Variants in NLRC5 observed in about 807,000 individuals in gnomAD.
The protein encoded by NLRC5 is NLR family CARD domain containing 5.
In NLRC5, 114 loss-of-function variants were observed where a neutral mutation model predicts 206.9. That is an observed-to-expected ratio of 0.55 (90% CI 0.47 to 0.64). The LOEUF (loss-of-function observed/expected upper bound fraction) is 0.64, where lower values mean the gene tolerates loss of function less well. Among genes scored for constraint, NLRC5 ranks in the 30% least tolerant of loss-of-function variants. The pLI, the probability that NLRC5 is intolerant of heterozygous loss-of-function variation, is 0.00. For synonymous variants in NLRC5, 952 were observed against 962.8 expected, an observed-to-expected ratio of 0.99 and a Z score of 0.21; for missense variants, 2,008 against 2,305.5, an observed-to-expected ratio of 0.87 and a Z score of 2.64.
chr16:57,004,853 G>C (rs2058719786), intron 1 of NLRC5, among the ~76,000 whole-genome samples: 1 of 152,114 alleles, frequency 6.6e-6, no homozygotes, highest in Non-Finnish European at 1.5e-5. Flanking sequence ...CTGAAACCAG[G>C]GTGGGGTAAA....
chr16:56,998,591 G>T (rs777032510), intron 1 of NLRC5, among the ~76,000 whole-genome samples: 2 of 152,306 alleles, frequency 1.3e-5, no homozygotes, highest in East Asian at 1.9e-4. Context: ...TGGTGGAAAG[G>T]TCAGTCCCAA....
intron 23 of NLRC5, among the ~76,000 whole-genome samples, chr16:57,050,710 A>T (rs1166109696): frequency 6.6e-6 from 1 of 152,174 alleles, no homozygotes; most frequent in African/African-American, 2.4e-5. Context: ...CTGACGAATT[A>T]TCTGAACAAT....
chr16:57,013,350 T>G, intron 1 of NLRC5: 1 of 638,258 alleles, frequency 1.6e-6, no homozygotes, highest in Admixed American at 2.5e-5. Context: ...TTTAAAATAC[T>G]TCCTTCAAAG....
chr16:57,071,491 G>A (rs1199196888), intron 38 of NLRC5, among the ~76,000 whole-genome samples: 9 of 144,676 alleles, frequency 6.2e-5, no homozygotes, highest in South Asian at 2.3e-4. Context: ...GTGAGTGAGC[G>A]ATGATGGTGG....
At chr16:57,080,289 C>G (rs1283454222) in intron 46 of NLRC5, among the ~76,000 whole-genome samples, 1 of 152,146 alleles carries the variant, frequency 6.6e-6, no homozygotes, top group Non-Finnish European at 1.5e-5. Flanking sequence ...GGTAATTCAT[C>G]TTTAACACCT....
Position 57,051,525 on chromosome 16 carries a change from C to T in NLRC5, c.3423-13C>T, listed in dbSNP as rs2064902487. 1 of 1,610,056 alleles carries T rather than the reference C, an allele frequency of 6.2e-7. No homozygotes were observed. On this transcript the variant is annotated splice_polypyrimidine_tract_variant and intron_variant, in intron 23 of 48. Coordinates refer to ENST00000688547, the MANE Select transcript of NLRC5 (RefSeq NM_001384950.1). ...AGGTTTCCCCCACCTCATCCACCTG[C>T]TTTGTTTCACAGATTGTCCTGTGAG...
intron 23 of NLRC5, among the ~76,000 whole-genome samples, chr16:57,050,856 CTTTTT>C (rs1199454196): frequency 6.6e-6 from 1 of 152,002 alleles, no homozygotes; most frequent in Non-Finnish European, 1.5e-5. Context: ...GTTTTCTTTT[CTTTTT>C]TATTTTTTTG....
chr16:57,079,525 C>T, intron 45 of NLRC5, 21 bp from the exon 46 acceptor site: 1 of 1,607,930 alleles, frequency 6.2e-7, no homozygotes. Context: ...CATCCCATCC[C>T]ATGCCCTTCT....
chr16:57,014,411 T>C (rs1411286256), intron 1 of NLRC5, among the ~76,000 whole-genome samples: 3 of 152,258 alleles, frequency 2.0e-5, no homozygotes, highest in African/African-American at 7.2e-5. Flanking sequence ...TTTTTTGCTA[T>C]TGTCTGATCC....
intron 1 of NLRC5, chr16:57,013,618 C>T (rs937810609): frequency 7.6e-6 from 8 of 1,056,290 alleles, no homozygotes; most frequent in African/African-American, 1.6e-5. Context: ...AGGTCATTAA[C>T]TGGGCCATTG....
intron 10 of NLRC5, 28 bp from the exon 11 acceptor site, chr16:57,031,376 T>C (rs763607793): frequency 6.2e-7 from 1 of 1,611,810 alleles, no homozygotes; most frequent in Non-Finnish European, 8.5e-7. Flanking sequence ...AGTCTCTGGG[T>C]TTCATGGCTT....
intron 1 of NLRC5, among the ~76,000 whole-genome samples, chr16:57,003,020 G>A (rs183312482): frequency 1.3e-5 from 2 of 151,756 alleles, no homozygotes; most frequent in East Asian, 2.0e-4. Flanking sequence ...AGTGTATGAG[G>A]TCTCCCTTTT....
In NLRC5 at chr16:57,058,857, G is replaced by A. The variant is rs149786218; in HGVS notation, c.3831-115G>A. ...TGTCCATCTGGAGAATAGATGCTTA[G>A]ACATGGAGGCTTCTCTTCTTGGAAA... is the stretch of plus-strand genomic sequence containing the variant. On this transcript the variant is annotated intron_variant, in intron 28 of 48. Coordinates refer to ENST00000688547, the MANE Select transcript of NLRC5 (RefSeq NM_001384950.1). 1,006 of 876,388 alleles carry A rather than the reference G, an allele frequency of 1.1e-3. 1 individual carries two copies. Among genetic ancestry groups the A allele is most frequent in the Admixed American group, 2.5e-3 (144 of 56,744 alleles). 54.3% of individuals were successfully genotyped at this position (876,388 alleles called of 1,614,324 possible).
intron 6 of NLRC5, 73 bp from the exon 7 acceptor site, chr16:57,027,999 C>T: frequency 1.0e-6 from 1 of 999,392 alleles, no homozygotes; most frequent in East Asian, 2.4e-5. Context: ...CCCCATCTCT[C>T]TGAGGGGATG....
In NLRC5 at chr16:57,036,701, C is replaced by CG. The variant is rs755586143; in HGVS notation, c.2712-491dup. On this transcript the variant is annotated intron_variant, in intron 14 of 48. Transcript: ENST00000688547. ...GGGGGTCTTAGGATCAAGTGTGGGT[C>CG]GGGTTTGGGGAGTGTTGAGATTGGG... Among the ~76,000 whole-genome samples the CG allele has an allele frequency of 3.9e-4, 58 of 150,526 alleles. 1 individual carries two copies. Among genetic ancestry groups the CG allele is most frequent in the Non-Finnish European group, 6.5e-4 (44 of 67,578 alleles).
intron 15 of NLRC5, 35 bp downstream of exon 15, chr16:57,037,319 C>T (rs371542391): frequency 1.1e-5 from 18 of 1,574,698 alleles, no homozygotes; most frequent in Non-Finnish European, 1.4e-5. Flanking sequence ...ACCCATCCCC[C>T]CCCCCATCAT....
chr16:56,991,260 A>G (rs1342363309), intron 1 of NLRC5: 2 of 152,186 alleles, frequency 1.3e-5, no homozygotes, highest in Non-Finnish European at 2.9e-5. Flanking sequence ...TGGATCAGAT[A>G]CAGAGCTGTC....
At position 57,079,309 on chromosome 16, in the gene NLRC5, G is replaced by T; in HGVS notation, c.5237+17G>T. On this transcript the variant is annotated intron_variant, in intron 45 of 48. Transcript: ENST00000688547. ...ACAGATAGAGTAAGTAGCCTCCCCT[G>T]CCTGCCTAGGGGACCAGTGGCAGGC... is the stretch of plus-strand genomic sequence containing the variant. 2.5e-6 allele frequency: 4 copies of T among 1,612,316 alleles called. No homozygotes were observed. The highest frequency in any genetic ancestry group is 3.4e-6 in the Non-Finnish European group (4 of 1,179,174).
At chr16:57,036,292 T>G (rs2062567696) in intron 14 of NLRC5, 109 bp downstream of exon 14, 1 of 994,348 alleles carries the variant, frequency 1.0e-6, no homozygotes, top group Admixed American at 2.0e-5. Flanking sequence ...CCACCCCTGC[T>G]TCCTCCCAAC....
Sources: allele counts gnomAD v4.1 joint callset (sites outside exome capture counted in the v4.1 genomes callset), GRCh38; gene constraint gnomAD v4.1.1; transcripts MANE v1.5; gene names NCBI Gene and HGNC (gene_info 2026-07-23, HGNC 2026-07-21).